Variants in CD4 observed in about 807,000 individuals in gnomAD.
The protein encoded by CD4 is CD4 molecule, also known as T-cell surface glycoprotein CD4.
Under a neutral mutation model 50.5 loss-of-function variants are expected in CD4, and 25 were observed. The observed-to-expected ratio is 0.49, with a 90% CI of 0.36 to 0.69. The LOEUF is 0.69. Among genes scored for constraint, CD4 ranks in the 30% least tolerant of loss-of-function variants. The pLI is 0.00. For missense variants in CD4, 456 were observed against 548.5 expected (o/e 0.83, Z 1.68); for synonymous variants, 207 against 221.9 (o/e 0.93, Z 0.60).
At chr12:6,812,536 G>A (rs1486307984) in intron 3 of CD4, among the ~76,000 whole-genome samples, 3 of 151,918 alleles carry the variant, frequency 2.0e-5, no homozygotes, top group Non-Finnish European at 4.4e-5. Context: ...AAAATTAGCC[G>A]GGCTTGGTTG....
rs781896250 is a variant in CD4 at position 6,816,884 on chromosome 12, T to C, written c.956-246T>C. ...TCGGGCCCCATCCAAACACTTTACA[T>C]GTATGCCTGCCTTTAGTACTATCTG... On this transcript the variant is annotated intron_variant, in intron 6 of 9. Transcript: ENST00000011653. The surrounding 1 kb of genome is among the most constrained non-coding windows in gnomAD (Gnocchi z 4.9). Among the ~76,000 whole-genome samples the C allele has an allele frequency of 7.9e-5, 12 of 152,210 alleles. No individual in the cohort carries two copies. The highest frequency in any genetic ancestry group is 1.8e-4 in the Non-Finnish European group (12 of 68,038).
intron 1 of CD4, among the ~76,000 whole-genome samples, chr12:6,791,194 G>A (rs546378725): frequency 1.3e-5 from 2 of 152,200 alleles, no homozygotes; most frequent in African/African-American, 4.8e-5. Context: ...CCGTAATGGC[G>A]GGGTGGTGCT....
At chr12:6,802,979 C>T (rs1326669660) in intron 3 of CD4, among the ~76,000 whole-genome samples, 3 of 152,086 alleles carry the variant, frequency 2.0e-5, no homozygotes, top group African/African-American at 4.8e-5. Context: ...GTGATCAGCC[C>T]GGCTTGGCCT....
At chr12:6,798,014 C>T (rs1402842908) in intron 1 of CD4, among the ~76,000 whole-genome samples, 2 of 151,994 alleles carry the variant, frequency 1.3e-5, no homozygotes, top group Non-Finnish European at 1.5e-5. Flanking sequence ...CCCATGAGGC[C>T]ATATCTCAGG....
chr12:6,803,832 T>C (rs1285827158), intron 3 of CD4, among the ~76,000 whole-genome samples: 1 of 137,400 alleles, frequency 7.3e-6, no homozygotes, highest in Non-Finnish European at 1.6e-5. Flanking sequence ...TAAATAAAGG[T>C]CAGGAGTGGT....
intron 3 of CD4, among the ~76,000 whole-genome samples, chr12:6,801,878 C>CTT (rs782299083): frequency 8.8e-6 from 1 of 114,090 alleles, no homozygotes; most frequent in African/African-American, 3.3e-5. Flanking sequence ...TTTTTTTCTA[C>CTT]TTTTTTTTTT....
rs549173113 is a variant in CD4, at chr12:6,798,363, G to A, written c.-67-1709G>A. On this transcript the variant is annotated intron_variant, in intron 1 of 9. Transcript: ENST00000011653. ...TTTTTTGTATTTTTTTAGTAGAGAT[G>A]GGGTTTCACCGTGTTCACCAGGATG... Among the ~76,000 whole-genome samples, 21 of 121,730 alleles carry A rather than the reference G, an allele frequency of 1.7e-4. 1 individual carries two copies. Among genetic ancestry groups the A allele is most frequent in the East Asian group, 5.8e-4 (3 of 5,158 alleles). The allele number at this position is 121,730 out of a possible 152,430, so 79.9% of individuals were successfully genotyped here. A position where few individuals can be genotyped will look rare whatever the true frequency, so the allele number is the denominator to read the frequency against.
intron 2 of CD4, 42 bp from the exon 3 acceptor site, chr12:6,800,265 C>G: frequency 6.2e-7 from 1 of 1,612,486 alleles, no homozygotes. Context: ...TAGAGGGGGA[C>G]AGCGGCGACA....
rs1249825786 is a variant in CD4 at position 6,808,327 on chromosome 12, C to T, written c.215-5815C>T. 5.4e-5 allele frequency among the ~76,000 whole-genome samples: 8 copies of T among 149,516 alleles called. No homozygotes were observed. In the Admixed American group the frequency reaches 5.4e-4, roughly 10 times the overall value. On this transcript the variant is annotated intron_variant, in intron 3 of 9. Transcript: ENST00000011653. Reference sequence around the variant, plus strand: ...ATTAGCTGGGCGTGGTGGCACCCGCCTGTAGTTGCAGCTACTTGGGAGGCT... The same window carrying T: ...ATTAGCTGGGCGTGGTGGCACCCGCTTGTAGTTGCAGCTACTTGGGAGGCT...
At chr12:6,793,027 C>CCT (rs1307500266) in intron 1 of CD4, among the ~76,000 whole-genome samples, 1 of 152,086 alleles carries the variant, frequency 6.6e-6, no homozygotes, top group Non-Finnish European at 1.5e-5. Context: ...GCCCTCCCAG[C>CCT]CTCTCTCGGA....
chr12:6,815,944 C>T, intron 5 of CD4, 112 bp from the exon 6 acceptor site: 1 of 1,537,348 alleles, frequency 6.5e-7, no homozygotes, highest in Non-Finnish European at 8.7e-7. Context: ...AGGTGGGTGT[C>T]TGGACTCGTC....
At chr12:6,805,309 T>C (rs1223349048) in intron 3 of CD4, among the ~76,000 whole-genome samples, 1 of 151,354 alleles carries the variant, frequency 6.6e-6, no homozygotes, top group Non-Finnish European at 1.5e-5. Flanking sequence ...ATGCCTGTAA[T>C]CCCAGCACTT....
intron 3 of CD4, among the ~76,000 whole-genome samples, chr12:6,807,059 C>G (rs953296779): frequency 6.6e-6 from 1 of 151,646 alleles, no homozygotes; most frequent in Non-Finnish European, 1.5e-5. Flanking sequence ...CCCAGCTACT[C>G]GGGAGGCTGA....
At position 6,816,479 on chromosome 12, in the gene CD4, A is replaced by G. The variant is rs782475949; in HGVS notation, c.955+76A>G. ...CTGGCCCAGGGCTCCCTCTGAGGCA[A>G]GCCAGGCCCCAAGAGGGGATGCCTA... On this transcript the variant is annotated intron_variant, in intron 6 of 9. Coordinates refer to ENST00000011653, the MANE Select transcript of CD4 (RefSeq NM_000616.5). This position sits in a 1 kb window ranked among gnomAD's most constrained non-coding sequence, Gnocchi z 4.9. 1.6e-6 allele frequency: 2 copies of G among 1,241,796 alleles called. No individual in the cohort carries two copies. The highest frequency in any genetic ancestry group is 2.2e-6 in the Non-Finnish European group (2 of 899,896). The allele number at this position is 1,241,796 out of a possible 1,614,324, so 76.9% of individuals were successfully genotyped here. A position where few individuals can be genotyped will look rare whatever the true frequency, so the allele number is the denominator to read the frequency against.
intron 3 of CD4, 94 bp downstream of exon 3, chr12:6,800,565 TC>T: frequency 9.0e-7 from 1 of 1,115,938 alleles, no homozygotes; most frequent in Non-Finnish European, 1.3e-6. Context: ...AACTCTGGGA[TC>T]CCAGAGGGCT....
chr12:6,810,479 G>A (rs1211725846), intron 3 of CD4, among the ~76,000 whole-genome samples: 2 of 152,168 alleles, frequency 1.3e-5, no homozygotes, highest in Non-Finnish European at 2.9e-5. Flanking sequence ...CTAGAACTGA[G>A]GAGAGAGGTC....
chr12:6,790,583 A>C (rs1427590253), intron 1 of CD4, among the ~76,000 whole-genome samples: 1 of 152,226 alleles, frequency 6.6e-6, no homozygotes, highest in Non-Finnish European at 1.5e-5. Flanking sequence ...TTACAGAAGG[A>C]TGTGCAGCCC....
Position 6,818,721 on chromosome 12 carries a change from C to CA in CD4, c.1279-125dup. The CA allele has an allele frequency of 8.4e-7, 1 of 1,190,384 alleles. No homozygotes were observed. The highest frequency in any genetic ancestry group is 1.3e-5 in the South Asian group (1 of 77,820). 73.7% of individuals were successfully genotyped at this position (1,190,384 alleles called of 1,614,324 possible). On this transcript the variant is annotated intron_variant, in intron 8 of 9. Coordinates refer to ENST00000011653, the MANE Select transcript of CD4 (RefSeq NM_000616.5). The surrounding 1 kb of genome is among the most constrained non-coding windows in gnomAD (Gnocchi z 5.0). ...ACAGGAAGGAGCAGAGAGTTAATTC[C>CA]AGGATAGATGGCCTGGGCCATGTAA...
At chr12:6,800,910 A>G (rs1233313725) in intron 3 of CD4, among the ~76,000 whole-genome samples, 2 of 149,970 alleles carry the variant, frequency 1.3e-5, no homozygotes, top group Non-Finnish European at 2.9e-5. Context: ...AAAAATATAT[A>G]TATATTTTTT....
Sources: gnomAD v4.1 joint callset for allele counts (sites outside exome capture counted in the v4.1 genomes callset) on GRCh38, gnomAD v4.1.1 for gene constraint, Gnocchi (gnomAD v3.1) non-coding constraint, MANE v1.5 for transcripts, NCBI Gene and HGNC (gene_info 2026-07-23, HGNC 2026-07-21) for gene names.